Variants in PIP4K2A observed in about 807,000 individuals in gnomAD.
PIP4K2A encodes phosphatidylinositol 5-phosphate 4-kinase type-2 alpha.
PIP4K2A carries 14 observed loss-of-function variants against 42.9 expected under a neutral mutation model. That is an observed-to-expected ratio of 0.33 (90% CI 0.22 to 0.51). The LOEUF (loss-of-function observed/expected upper bound fraction) is 0.51, where lower values mean the gene tolerates loss of function less well. Ranked by LOEUF, PIP4K2A falls within the 20% of genes least tolerant of loss-of-function variation. PIP4K2A has a pLI of 0.97. For synonymous variants in PIP4K2A, 192 were observed against 192.2 expected (o/e 1.00, Z 0.01); for missense variants, 434 against 519.8 (o/e 0.83, Z 1.61).
rs1835932494 is a variant in PIP4K2A, at chr10:22,536,725, A to AAAAAACAAAAAAAACAAAAC, written c.*475_*476insGTTTTGTTTTTTTTGTTTTT. 1 of 124,102 alleles carries AAAAAACAAAAAAAACAAAAC rather than the reference A, an allele frequency of 8.1e-6. No individual in the cohort carries two copies. Among genetic ancestry groups the AAAAAACAAAAAAAACAAAAC allele is most frequent in the South Asian group, 2.7e-4 (1 of 3,714 alleles). 7.7% of individuals were successfully genotyped at this position (124,102 alleles called of 1,614,324 possible). A position where few individuals can be genotyped will look rare whatever the true frequency, so the allele number is the denominator to read the frequency against. ...ACATCTTTCAACTCCAAAAAAAAAAAAAAAAAAAAAAAACTGATCCACAGT... is the reference window on the plus strand; with the variant it reads ...ACATCTTTCAACTCCAAAAAAAAAAAAAAAACAAAAAAAACAAAACAAAAAAAAAAAAACTGATCCACAGT... On this transcript the variant is annotated 3_prime_UTR_variant, in exon 10 of 10. Transcript: ENST00000376573.
At chr10:22,619,256 C>G (rs1277201031) in intron 1 of PIP4K2A, among the ~76,000 whole-genome samples, 1 of 151,960 alleles carries the variant, frequency 6.6e-6, no homozygotes, top group Non-Finnish European at 1.5e-5. Context: ...ACCCTGCAAA[C>G]CAAATAGCAA....
chr10:22,619,739 T>C (rs1838277096), intron 1 of PIP4K2A, among the ~76,000 whole-genome samples: 1 of 152,310 alleles, frequency 6.6e-6, no homozygotes, highest in East Asian at 1.9e-4. Flanking sequence ...GCCCAGCTAA[T>C]ATTCATTTTC....
chr10:22,572,026 CTTATA>C (rs1171170059), intron 5 of PIP4K2A, among the ~76,000 whole-genome samples: 1 of 152,262 alleles, frequency 6.6e-6, no homozygotes, highest in African/African-American at 2.4e-5. Context: ...TCTAATATTT[CTTATA>C]TTAATTTTTA....
chr10:22,624,526 T>C (rs1838395586), intron 1 of PIP4K2A, among the ~76,000 whole-genome samples: 1 of 152,144 alleles, frequency 6.6e-6, no homozygotes, highest in African/African-American at 2.4e-5. Flanking sequence ...AGAACTACTG[T>C]GTATGGTTGA....
rs528200964 is a variant in PIP4K2A at position 22,552,467 on chromosome 10, G to A, written c.679-1695C>T. ...TAATAATTTTAAAATAATGCAATAC[G>A]TGCACCCCCCATTCCCACAAACCTT... On this transcript the variant is annotated intron_variant, in intron 6 of 9. Transcript: ENST00000376573. Among the ~76,000 whole-genome samples the A allele has an allele frequency of 6.6e-5, 10 of 152,052 alleles. No individual in the cohort carries two copies. In the South Asian group the frequency reaches 1.9e-3, roughly 28 times the overall value.
chr10:22,647,555 C>T (rs1237401461), intron 1 of PIP4K2A, among the ~76,000 whole-genome samples: 1 of 152,098 alleles, frequency 6.6e-6, no homozygotes, highest in Non-Finnish European at 1.5e-5. Context: ...ACATGGACAA[C>T]AATAACATAG....
At chr10:22,632,437 T>C (rs1838569408) in intron 1 of PIP4K2A, among the ~76,000 whole-genome samples, 1 of 152,254 alleles carries the variant, frequency 6.6e-6, no homozygotes, top group Non-Finnish European at 1.5e-5. Context: ...GTATAGTATG[T>C]ACAACATTGT....
intron 6 of PIP4K2A, among the ~76,000 whole-genome samples, chr10:22,555,488 G>C (rs988525624): frequency 1.8e-4 from 27 of 152,170 alleles, no homozygotes; most frequent in African/African-American, 6.0e-4. Flanking sequence ...GATCAATCCA[G>C]AGCAAGATTT....
Position 22,714,462 on chromosome 10 carries a change from G to T in PIP4K2A, c.-136C>A. On this transcript the variant is annotated 5_prime_UTR_variant, in exon 1 of 10. Transcript: ENST00000376573. ...GCCGCGCTCCGCTCCGCCCGCCGCC[G>T]CCGGCGCGCTCAGCCCCACTCGGCT... is the stretch of plus-strand genomic sequence containing the variant. 2.7e-6 allele frequency: 1 copy of T among 374,900 alleles called. No individual in the cohort carries two copies. The highest frequency in any genetic ancestry group is 3.7e-6 in the Non-Finnish European group (1 of 273,554). 23.2% of individuals were successfully genotyped at this position (374,900 alleles called of 1,614,324 possible).
At chr10:22,664,170 T>TATATACATATATATAC (rs1839293113) in intron 1 of PIP4K2A, among the ~76,000 whole-genome samples, 1 of 61,818 alleles carries the variant, frequency 1.6e-5, no homozygotes, top group Non-Finnish European at 2.7e-5. Context: ...TATATATACA[T>TATATACATATATATAC]ATATATATAT....
intron 4 of PIP4K2A, among the ~76,000 whole-genome samples, chr10:22,576,081 A>G (rs1282379059): frequency 1.3e-5 from 2 of 152,222 alleles, no homozygotes; most frequent in Non-Finnish European, 2.9e-5. Context: ...ACAAACCCAC[A>G]AGTCATACCA....
chr10:22,628,641 G>A (rs1018369698), intron 1 of PIP4K2A, among the ~76,000 whole-genome samples: 3 of 152,186 alleles, frequency 2.0e-5, no homozygotes, highest in South Asian at 2.1e-4. Flanking sequence ...ATTCACATTG[G>A]TTAGGACATC....
In PIP4K2A at chr10:22,537,172, T is replaced by G; in HGVS notation, c.*29A>C. On this transcript the variant is annotated 3_prime_UTR_variant, in exon 10 of 10. Transcript: ENST00000376573. ...CGAAGCCACCTCTGTCCATCCAATG[T>G]TCATGTCTGTCCGAGGCTGCGCAGG... The G allele has an allele frequency of 6.4e-7, 1 of 1,563,496 alleles. No homozygotes were observed. Among genetic ancestry groups the G allele is most frequent in the South Asian group, 1.2e-5 (1 of 86,920 alleles).
intron 7 of PIP4K2A, among the ~76,000 whole-genome samples, chr10:22,542,549 T>G (rs1290213501): frequency 6.6e-6 from 1 of 152,186 alleles, no homozygotes; most frequent in African/African-American, 2.4e-5. Flanking sequence ...AGGCACTGTG[T>G]CCACATCTGG....
intron 1 of PIP4K2A, among the ~76,000 whole-genome samples, chr10:22,685,230 T>C (rs1839739898): frequency 6.6e-6 from 1 of 152,076 alleles, no homozygotes. Context: ...AGTTTAAGAG[T>C]CCCAGTGTAT....
chr10:22,710,630 C>T (rs1833896272), intron 1 of PIP4K2A, among the ~76,000 whole-genome samples: 1 of 152,176 alleles, frequency 6.6e-6, no homozygotes, highest in African/African-American at 2.4e-5. Context: ...CACACTCAAG[C>T]ACCCAGCTCT....
intron 5 of PIP4K2A, among the ~76,000 whole-genome samples, chr10:22,570,095 A>T (rs1836949508): frequency 6.6e-6 from 1 of 151,978 alleles, no homozygotes; most frequent in Admixed American, 6.5e-5. Flanking sequence ...AAAAAAAAAA[A>T]GTTAAGTAGA....
At chr10:22,636,732 T>C (rs1187582005) in intron 1 of PIP4K2A, among the ~76,000 whole-genome samples, 1 of 152,230 alleles carries the variant, frequency 6.6e-6, no homozygotes, top group Non-Finnish European at 1.5e-5. Context: ...CGACTGCATA[T>C]TAACGGTCCC....
intron 1 of PIP4K2A, among the ~76,000 whole-genome samples, chr10:22,685,928 A>G (rs1839755602): frequency 2.0e-5 from 3 of 152,302 alleles, no homozygotes; most frequent in African/African-American, 7.2e-5. Flanking sequence ...AATAACAATT[A>G]CAGTTCTCTA....
Sources: allele counts gnomAD v4.1 joint callset (sites outside exome capture counted in the v4.1 genomes callset), GRCh38; gene constraint gnomAD v4.1.1; transcripts MANE v1.5; gene names NCBI Gene and HGNC (gene_info 2026-07-23, HGNC 2026-07-21).